The following MAP3K5 variants were observed in gnomAD, a reference collection of about 807,000 sequenced individuals.
The protein encoded by MAP3K5 is ASK-1.
In MAP3K5, 56 loss-of-function variants were observed where a neutral mutation model predicts 158.7. The observed-to-expected ratio is 0.35, with a 90% CI of 0.28 to 0.44. MAP3K5 has a LOEUF of 0.44. MAP3K5 is among the 20% of genes least tolerant of loss of function. The probability of loss-of-function intolerance (pLI) is 1.00; values close to 1 mark genes in which losing one functional copy is unlikely to be tolerated. For synonymous variants in MAP3K5, 579 were observed against 601.7 expected, an observed-to-expected ratio of 0.96 and a Z score of 0.55; for missense variants, 1,294 against 1,674.8, an observed-to-expected ratio of 0.77 and a Z score of 3.97.
chr6:136,790,053 T>C (rs1335407384), intron 1 of MAP3K5, among the ~76,000 whole-genome samples: 2 of 152,142 alleles, frequency 1.3e-5, no homozygotes, highest in African/African-American at 4.8e-5. Flanking sequence ...ACTTACTCCC[T>C]ATGAATCCTA....
chr6:136,666,236 C>T (rs897516978), intron 8 of MAP3K5, among the ~76,000 whole-genome samples: 2 of 152,164 alleles, frequency 1.3e-5, no homozygotes, highest in Non-Finnish European at 2.9e-5. Flanking sequence ...CGCAAACAAA[C>T]ACACAACTAG....
chr6:136,722,507 G>A (rs1457550573), intron 1 of MAP3K5, among the ~76,000 whole-genome samples: 3 of 151,946 alleles, frequency 2.0e-5, no homozygotes, highest in African/African-American at 4.8e-5. Flanking sequence ...ATAAATATAT[G>A]AGAAATTACT....
chr6:136,632,582 G>C (rs76103337), intron 14 of MAP3K5, among the ~76,000 whole-genome samples: 2,970 of 152,288 alleles, frequency 0.02, 78 homozygotes, highest in East Asian at 0.11. Flanking sequence ...CTGTATGAGA[G>C]ATTTCTCTGA....
chr6:136,791,928 G>A lies in MAP3K5; in HGVS notation c.230C>T (p.Thr77Ile), dbSNP rs752536546. 4.3e-6 allele frequency: 7 copies of A among 1,612,448 alleles called. No homozygotes were observed. In the South Asian group the frequency reaches 7.7e-5, roughly 18 times the overall value. Residue 77 changes from threonine to isoleucine, a missense_variant, in exon 1 of 30, where the codon ACC (threonine) becomes ATC (isoleucine). Transcript: ENST00000359015. ...CPAATSSSSA[T>I]RGRGSSVGGG... ...GCCAACAGAGCTGCCCCGGCCTCGGGTGGCACTGCTCGAGGAGGTGGCCGC... is the reference window on the plus strand; with the variant it reads ...GCCAACAGAGCTGCCCCGGCCTCGGATGGCACTGCTCGAGGAGGTGGCCGC...
At chr6:136,655,773 AG>A (rs1318602233) in intron 10 of MAP3K5, among the ~76,000 whole-genome samples, 1 of 152,138 alleles carries the variant, frequency 6.6e-6, no homozygotes, top group East Asian at 1.9e-4. Flanking sequence ...GAAGTCCACT[AG>A]AGACCAGCAA....
intron 1 of MAP3K5, among the ~76,000 whole-genome samples, chr6:136,758,404 C>A (rs4896219): frequency 0.4 from 61,198 of 152,176 alleles, 14,012 homozygotes; most frequent in Middle Eastern, 0.54. Flanking sequence ...ACGAAAATGA[C>A]AACAGTCTCT....
chr6:136,577,887 C>T (rs1306541308), intron 25 of MAP3K5, among the ~76,000 whole-genome samples: 2 of 152,192 alleles, frequency 1.3e-5, no homozygotes, highest in South Asian at 2.1e-4. Context: ...CACTAATGTT[C>T]GTTTTCTATT....
chr6:136,792,004 C>CCGG lies in MAP3K5; in HGVS notation c.151_153dup (p.Pro51dup), dbSNP rs1562712064. 1 of 1,589,066 alleles carries CCGG rather than the reference C, an allele frequency of 6.3e-7. No homozygotes were observed. Among genetic ancestry groups the CCGG allele is most frequent in the Admixed American group, 1.8e-5 (1 of 55,792 alleles). On this transcript the variant is annotated inframe_insertion, in exon 1 of 30. Transcript: ENST00000359015. The surrounding 1 kb of genome is among the most constrained non-coding windows in gnomAD (Gnocchi z 5.7). ...GCGCTCTCCACGTTCCAGAAGCTGC[C>CCGG]CGGCGGCGGCGGTGGCAGCTGGTGC...
chr6:136,586,727 A>G (rs1290039965), intron 23 of MAP3K5, among the ~76,000 whole-genome samples: 1 of 152,134 alleles, frequency 6.6e-6, no homozygotes. Context: ...GGAGATTAAC[A>G]TTTGAGTCTG....
At chr6:136,690,230 C>G (rs888313343) in intron 7 of MAP3K5, among the ~76,000 whole-genome samples, 5 of 152,156 alleles carry the variant, frequency 3.3e-5, no homozygotes, top group African/African-American at 1.2e-4. Context: ...TATACTAAAT[C>G]TCTATGACTG....
At chr6:136,592,143 G>A (rs368804336) in intron 23 of MAP3K5, 30 bp downstream of exon 23, 8 of 1,532,486 alleles carry the variant, frequency 5.2e-6, no homozygotes, top group Non-Finnish European at 8.8e-7. Context: ...TGTAACCTTT[G>A]GGAAATGAAG....
chr6:136,680,346 A>G (rs1779880556), intron 7 of MAP3K5, among the ~76,000 whole-genome samples: 1 of 152,208 alleles, frequency 6.6e-6, no homozygotes, highest in Admixed American at 6.5e-5. Context: ...TTTATGTTAT[A>G]TATATTTTAC....
chr6:136,637,095 G>A lies in MAP3K5; in HGVS notation c.2016+230C>T, dbSNP rs958293. 0.62 allele frequency: 848,990 copies of A among 1,373,174 alleles called. 263,986 individuals are homozygous for A. The highest frequency in any genetic ancestry group is 0.71 in the South Asian group (41,173 of 57,662). The allele number at this position is 1,373,174 out of a possible 1,614,324, so 85.1% of individuals were successfully genotyped here. A position where few individuals can be genotyped will look rare whatever the true frequency, so the allele number is the denominator to read the frequency against. On this transcript the variant is annotated intron_variant, in intron 14 of 29. Coordinates refer to ENST00000359015, the MANE Select transcript of MAP3K5 (RefSeq NM_005923.4). Reference sequence around the variant, plus strand: ...TGTCATAGATAAAGCATAGTTACTCGCTATCAGGTAAGTAAAATGCTAACG... The same window carrying A: ...TGTCATAGATAAAGCATAGTTACTCACTATCAGGTAAGTAAAATGCTAACG...
rs147666973 is a variant in MAP3K5 at position 136,652,959 on chromosome 6, C to T, written c.1681-1868G>A. 2.1e-3 allele frequency among the ~76,000 whole-genome samples: 314 copies of T among 152,278 alleles called. 1 individual carries two copies. Among genetic ancestry groups the T allele is most frequent in the African/African-American group, 7.3e-3 (303 of 41,558 alleles). On this transcript the variant is annotated intron_variant, in intron 10 of 29. Transcript: ENST00000359015. ...CAAAGTCTTAAAGGTAGATATACCTCACTTATGAGTTTATATATTCTTGCT... is the reference window on the plus strand; with the variant it reads ...CAAAGTCTTAAAGGTAGATATACCTTACTTATGAGTTTATATATTCTTGCT...
At position 136,592,541 on chromosome 6, in the gene MAP3K5, T is replaced by C. The variant is rs781005857; in HGVS notation, c.2952A>G (p.Ser984=). The change falls in exon 22 of 30, where the codon TCA becomes TCG. Residue 984 remains serine (S), a synonymous_variant. Coordinates refer to ENST00000359015, the MANE Select transcript of MAP3K5 (RefSeq NM_005923.4). ...EDTSSSSEYG[S]VSPDTELKVD... is the part of the protein sequence containing the mutation. ...CTTTCAACTCCGTGTCGGGTGAAAC[T>C]GAGCCGTACTCACTGCTGCTGCTGG... 2.5e-6 allele frequency: 4 copies of C among 1,613,910 alleles called. No homozygotes were observed. The highest frequency in any genetic ancestry group is 3.4e-6 in the Non-Finnish European group (4 of 1,180,004).
At chr6:136,747,514 T>C (rs919624333) in intron 1 of MAP3K5, among the ~76,000 whole-genome samples, 2 of 152,234 alleles carry the variant, frequency 1.3e-5, no homozygotes, top group Admixed American at 6.5e-5. Flanking sequence ...CAATAGTATA[T>C]GCTGGAAATG....
At chr6:136,568,901 C>T (rs1012025271) in intron 25 of MAP3K5, among the ~76,000 whole-genome samples, 7 of 146,112 alleles carry the variant, frequency 4.8e-5, no homozygotes, top group African/African-American at 1.5e-4. Context: ...TATTGTAAAC[C>T]AAAAATAAAA....
intron 1 of MAP3K5, among the ~76,000 whole-genome samples, chr6:136,772,160 G>C (rs1240445264): frequency 3.4e-5 from 5 of 148,946 alleles, no homozygotes; most frequent in Admixed American, 6.7e-5. Flanking sequence ...CAGGTGATCT[G>C]CGCCCCTCGG....
chr6:136,639,170 G>A (rs1213056748), intron 13 of MAP3K5, among the ~76,000 whole-genome samples: 1 of 151,956 alleles, frequency 6.6e-6, no homozygotes, highest in Non-Finnish European at 1.5e-5. Context: ...TATGAGCCAA[G>A]GTAAAGAGGT....
Sources: gnomAD v4.1 joint callset for allele counts (sites outside exome capture counted in the v4.1 genomes callset) on GRCh38, gnomAD v4.1.1 for gene constraint, Gnocchi (gnomAD v3.1) non-coding constraint, MANE v1.5 for transcripts, NCBI Gene and HGNC (gene_info 2026-07-23, HGNC 2026-07-21) for gene names.